Variants in PRR16 observed in about 807,000 individuals in gnomAD.
PRR16 encodes the protein protein Largen.
PRR16 carries 6 observed loss-of-function variants against 18.2 expected under a neutral mutation model. The observed-to-expected ratio is 0.33, with a 90% confidence interval of 0.18 to 0.65. PRR16 has a LOEUF of 0.65. Among genes scored for constraint, PRR16 ranks in the 30% least tolerant of loss-of-function variants. PRR16 has a pLI of 0.74. For synonymous variants in PRR16, 151 were observed against 147.8 expected (o/e 1.02, Z -0.16); for missense variants, 412 against 376.6 (o/e 1.09, Z -0.78).
chr5:120,760,469 T>G, the PRR16 span, among the ~76,000 whole-genome samples: 1 of 152,120 alleles, frequency 6.6e-6, no homozygotes, highest in African/African-American at 2.4e-5. Context: ...CATATTTTAT[T>G]TATAAAATTT....
chr5:120,469,354 C>G (rs1347287690), intron 1 of PRR16, among the ~76,000 whole-genome samples: 1 of 152,162 alleles, frequency 6.6e-6, no homozygotes, highest in Non-Finnish European at 1.5e-5. Flanking sequence ...CAGTATCTTG[C>G]CCTGTCACTT....
chr5:120,792,523 ACTT>A, the PRR16 span, among the ~76,000 whole-genome samples: 2 of 152,152 alleles, frequency 1.3e-5, no homozygotes, highest in Non-Finnish European at 2.9e-5. Flanking sequence ...GAGAAGTACT[ACTT>A]AACAGGTTTC....
chr5:120,711,429 A>C, the PRR16 span, among the ~76,000 whole-genome samples: 1 of 152,192 alleles, frequency 6.6e-6, no homozygotes, highest in Non-Finnish European at 1.5e-5. Context: ...TAAAGGAATG[A>C]AAACAATATG....
intron 1 of PRR16, among the ~76,000 whole-genome samples, chr5:120,522,716 C>T (rs1751225799): frequency 6.6e-6 from 1 of 152,184 alleles, no homozygotes. Flanking sequence ...CACCATTCTC[C>T]TGCCTCAGCC....
At chr5:120,738,416 T>A in the PRR16 span, among the ~76,000 whole-genome samples, 1 of 152,220 alleles carries the variant, frequency 6.6e-6, no homozygotes, top group East Asian at 1.9e-4. Context: ...TTATTTAATA[T>A]TTTTATTTCA....
chr5:120,777,862 G>C, the PRR16 span, among the ~76,000 whole-genome samples: 1 of 152,196 alleles, frequency 6.6e-6, no homozygotes, highest in East Asian at 1.9e-4. Flanking sequence ...ATTGTTCATG[G>C]AAGTAAAAGA....
intron 1 of PRR16, among the ~76,000 whole-genome samples, chr5:120,629,708 T>C (rs1369569364): frequency 6.6e-6 from 1 of 151,890 alleles, no homozygotes; most frequent in Admixed American, 6.6e-5. Flanking sequence ...CAACCTTTAG[T>C]TCTTTCAGTT....
intron 1 of PRR16, among the ~76,000 whole-genome samples, chr5:120,628,212 G>A (rs550501650): frequency 6.6e-5 from 10 of 152,036 alleles, no homozygotes; most frequent in South Asian, 2.1e-4. Flanking sequence ...AACCTGATGC[G>A]CTGACAGTAA....
At chr5:120,523,955 C>G (rs189295185) in intron 1 of PRR16, among the ~76,000 whole-genome samples, 5 of 152,230 alleles carry the variant, frequency 3.3e-5, no homozygotes, top group Admixed American at 2.0e-4. Flanking sequence ...ATATGTAGAT[C>G]ACAAGGGTCA....
intron 1 of PRR16, among the ~76,000 whole-genome samples, chr5:120,625,270 A>G (rs911410424): frequency 3.3e-5 from 5 of 152,276 alleles, no homozygotes; most frequent in Middle Eastern, 3.4e-3. Context: ...AGTGGTTATT[A>G]GAGAGTTTCT....
intron 1 of PRR16, among the ~76,000 whole-genome samples, chr5:120,584,706 C>T (rs897610890): frequency 4.7e-5 from 7 of 150,248 alleles, no homozygotes; most frequent in Non-Finnish European, 8.8e-5. Flanking sequence ...TTAGTAATTT[C>T]CTCAACCAGG....
At chr5:120,754,179 A>G in the PRR16 span, among the ~76,000 whole-genome samples, 1 of 102,056 alleles carries the variant, frequency 9.8e-6, no homozygotes, top group Non-Finnish European at 1.9e-5. Context: ...ATAAATATAA[A>G]TATATAATAT....
In PRR16 at chr5:120,502,438, AT is replaced by A. The variant is rs1405320517; in HGVS notation, c.159+37800del. On this transcript the variant is annotated intron_variant, in intron 1 of 1. Transcript: ENST00000407149. The stretch of plus-strand genomic sequence containing the variant: ...CATGTAATAGTCACTCAAGGGTTAA[AT>A]TTTTTTCTTACTGTCTTTGTTACTT... Among the ~76,000 whole-genome samples the A allele has an allele frequency of 2.0e-5, 3 of 151,542 alleles. No homozygotes were observed. The East Asian group carries it at 5.8e-4, about 29-fold the overall frequency.
the PRR16 span, among the ~76,000 whole-genome samples, chr5:120,777,429 T>G: frequency 3.3e-5 from 5 of 152,200 alleles, no homozygotes; most frequent in African/African-American, 9.6e-5. Flanking sequence ...GGCCTCAAAT[T>G]TGGTATTTTT....
the PRR16 span, among the ~76,000 whole-genome samples, chr5:120,719,476 T>C: frequency 6.6e-6 from 1 of 152,108 alleles, no homozygotes; most frequent in Non-Finnish European, 1.5e-5. Flanking sequence ...AAACAGGTTG[T>C]CTTTTTCCAT....
chr5:120,728,743 C>G, the PRR16 span, among the ~76,000 whole-genome samples: 1 of 152,288 alleles, frequency 6.6e-6, no homozygotes, highest in South Asian at 2.1e-4. Context: ...TCCAGGCACT[C>G]AAGTGCCTAA....
chr5:120,608,945 G>A (rs1754244246), intron 1 of PRR16, among the ~76,000 whole-genome samples: 1 of 151,952 alleles, frequency 6.6e-6, no homozygotes, highest in Non-Finnish European at 1.5e-5. Flanking sequence ...TCCCAAAGAG[G>A]GTTTCTCCTG....
At chr5:120,726,926 G>A in the PRR16 span, among the ~76,000 whole-genome samples, 1 of 152,100 alleles carries the variant, frequency 6.6e-6, no homozygotes, top group African/African-American at 2.4e-5. Flanking sequence ...GTAGCAAAAT[G>A]TTTTTCTGGT....
chr5:120,496,996 C>A (rs990401904), intron 1 of PRR16, among the ~76,000 whole-genome samples: 1 of 151,956 alleles, frequency 6.6e-6, no homozygotes, highest in Non-Finnish European at 1.5e-5. Context: ...TAGTTTCCAC[C>A]AGTTTAGAGA....
Sources: allele counts gnomAD v4.1 joint callset (sites outside exome capture counted in the v4.1 genomes callset), GRCh38; gene constraint gnomAD v4.1.1; transcripts MANE v1.5; gene names NCBI Gene and HGNC (gene_info 2026-07-23, HGNC 2026-07-21).